Variants in CH25H observed in about 807,000 individuals in gnomAD.
CH25H encodes the protein cholesterol 25-monooxygenase.
A neutral mutation model predicts 16.6 loss-of-function variants in CH25H; 10 were observed. The observed-to-expected ratio is 0.60, with a 90% confidence interval of 0.37 to 1.02. The LOEUF is 1.02. Among genes scored for constraint, CH25H ranks in the 50% least tolerant of loss-of-function variants. The pLI is 0.01. For synonymous variants in CH25H, 178 were observed against 158.8 expected (o/e 1.12, Z -0.91); for missense variants, 326 against 344.7 (o/e 0.95, Z 0.43).
At position 89,206,619 on chromosome 10, in the gene CH25H, TGAGTGGACCAAGGGAAGTTGTAGCCG is replaced by T. The variant is rs771399470; in HGVS notation, c.648_673del (p.Gly217GlnfsTer22). The T allele has an allele frequency of 1.9e-6, 3 of 1,614,116 alleles. No individual in the cohort carries two copies. In the African/African-American group the frequency reaches 4.0e-5, roughly 22 times the overall value. On this transcript the variant is annotated frameshift_variant, in exon 1 of 1. Coordinates refer to ENST00000371852, the MANE Select transcript of CH25H (RefSeq NM_003956.4). LOFTEE classifies it high-confidence loss of function. Reference sequence around the variant, plus strand: ...GTACCACCCGAAGGGCACCAGTCTGTGAGTGGACCAAGGGAAGTTGTAGCCGGAGTGGTCCTCCACGGAAAGCCAGA... The same window carrying T: ...GTACCACCCGAAGGGCACCAGTCTGTGAGTGGTCCTCCACGGAAAGCCAGA...
Position 89,206,768 on chromosome 10 carries a change from G to A in CH25H, c.525C>T (p.Ser175=). Residue 175 remains serine, a synonymous_variant, in exon 1 of 1, where the codon AGC becomes AGT. Transcript: ENST00000371852. ...SSFALATQYM[S]VWELFSLGFF... ...AGCCCAAAGAAAACAGTTCCCAGACGCTCATATACTGCGTTGCCAGCGCGA... is the reference window on the plus strand; with the variant it reads ...AGCCCAAAGAAAACAGTTCCCAGACACTCATATACTGCGTTGCCAGCGCGA... The A allele has an allele frequency of 6.2e-7, 1 of 1,614,246 alleles. No individual in the cohort carries two copies. Among genetic ancestry groups the A allele is most frequent in the Non-Finnish European group, 8.5e-7 (1 of 1,180,046 alleles).
chr10:89,206,305 T>C lies in CH25H; in HGVS notation c.*169A>G. ...ATTGATACACAAACAGTATGTAAAT[T>C]ACTTTGTCAGATTACAAAAATGCAT... is the stretch of plus-strand genomic sequence containing the variant. On this transcript the variant is annotated 3_prime_UTR_variant, in exon 1 of 1. Coordinates refer to ENST00000371852, the MANE Select transcript of CH25H (RefSeq NM_003956.4). 1 of 614,578 alleles carries C rather than the reference T, an allele frequency of 1.6e-6. No homozygotes were observed. Among genetic ancestry groups the C allele is most frequent in the South Asian group, 2.0e-5 (1 of 49,272 alleles). 38.1% of individuals were successfully genotyped at this position (614,578 alleles called of 1,614,324 possible).
chr10:89,206,940 G>A lies in CH25H; in HGVS notation c.353C>T (p.Ala118Val), dbSNP rs1842511464. The change falls in exon 1 of 1, where the codon GCT (alanine) becomes GTT (valine). Residue 118 changes from alanine to valine, a missense_variant. By Grantham distance (64) the Ala-to-Val change is moderately conservative. Transcript: ENST00000371852. Reference sequence around the variant, plus strand: ...GTGCAGCAGCAGGAGCAGCTCGGGAGCTTCGTGGGGCAGGAGGGCCGGGCT... The same window carrying A: ...GTGCAGCAGCAGGAGCAGCTCGGGAACTTCGTGGGGCAGGAGGGCCGGGCT... ...ARSPALLPHE[A>V]PELLLLLHHI... 6.2e-7 allele frequency: 1 copy of A among 1,614,204 alleles called. No homozygotes were observed. Among genetic ancestry groups the A allele is most frequent in the Non-Finnish European group, 8.5e-7 (1 of 1,180,014 alleles).
chr10:89,206,515 T>C lies in CH25H; in HGVS notation c.778A>G (p.Ile260Val). ...FAPYFTHWDK[I>V]LGTLRTASVP... ...GATGCAGTCCGCAGCGTTCCCAGTATTTTGTCCCAGTGTGTAAAGTACGGA... is the reference window on the plus strand; with the variant it reads ...GATGCAGTCCGCAGCGTTCCCAGTACTTTGTCCCAGTGTGTAAAGTACGGA... The change falls in exon 1 of 1, where the codon ATA becomes GTA. Residue 260 changes from isoleucine to valine, a missense_variant. By Grantham distance (29) the Ile-to-Val change is conservative. Coordinates refer to ENST00000371852, the MANE Select transcript of CH25H (RefSeq NM_003956.4). 6.2e-7 allele frequency: 1 copy of C among 1,613,660 alleles called. No homozygotes were observed. The highest frequency in any genetic ancestry group is 8.5e-7 in the Non-Finnish European group (1 of 1,179,818).
rs1260277379 is a variant in CH25H, at chr10:89,207,175, G to A, written c.118C>T (p.Pro40Ser). ...WEALLQSPFF[P>S]VIFSITTYVG... ...TATGTGGTGATGGAGAAGATGACCG[G>A]GAAGAAGGGCGACTGTAGGAGGGCC... The change falls in exon 1 of 1, where the codon CCG (proline) becomes TCG (serine). Residue 40 changes from proline (P) to serine (S), a missense_variant. By Grantham distance (74) the Pro-to-Ser change is moderately conservative (BLOSUM62 -1). Coordinates refer to ENST00000371852, the MANE Select transcript of CH25H (RefSeq NM_003956.4). 1.9e-6 allele frequency: 3 copies of A among 1,612,002 alleles called. No individual in the cohort carries two copies. Among genetic ancestry groups the A allele is most frequent in the African/African-American group, 1.3e-5 (1 of 74,924 alleles).
chr10:89,206,680 C>A lies in CH25H; in HGVS notation c.613G>T (p.Val205Leu), dbSNP rs749131970. ...CHPLTTLTFHVVNIWLSVEDH... is the reference protein window; with the variant it reads ...CHPLTTLTFHLVNIWLSVEDH... Reference sequence around the variant, plus strand: ...TCCACGGAAAGCCAGATGTTGACCACGTGGAAGGTCAGGGTGGTGAGCGGG... The same window carrying A: ...TCCACGGAAAGCCAGATGTTGACCAAGTGGAAGGTCAGGGTGGTGAGCGGG... Residue 205 changes from valine to leucine, a missense_variant, in exon 1 of 1, where the codon GTG becomes TTG. By Grantham distance (32) the Val-to-Leu change is conservative. Transcript: ENST00000371852. The A allele has an allele frequency of 6.2e-7, 1 of 1,614,216 alleles. No homozygotes were observed. The highest frequency in any genetic ancestry group is 8.5e-7 in the Non-Finnish European group (1 of 1,180,036).
Position 89,207,118 on chromosome 10 carries a change from C to G in CH25H, c.175G>C (p.Asp59His). 1 of 1,613,756 alleles carries G rather than the reference C, an allele frequency of 6.2e-7. No homozygotes were observed. Among genetic ancestry groups the G allele is most frequent in the Middle Eastern group, 1.6e-4 (1 of 6,062 alleles). ...VGFCLPFVVLDILCSWVPALR... is the reference protein window; with the variant it reads ...VGFCLPFVVLHILCSWVPALR... ...GCGGGCACCCAGGAGCACAGGATAT[C>G]CAGGACCACGAAGGGCAGGCAAAAG... The change falls in exon 1 of 1, where the codon GAT (aspartate) becomes CAT (histidine). Residue 59 changes from aspartate to histidine, a missense_variant. Physicochemically the swap from Asp to His is moderately conservative, Grantham distance 81. Coordinates refer to ENST00000371852, the MANE Select transcript of CH25H (RefSeq NM_003956.4).
In CH25H at chr10:89,206,636, G is replaced by T; in HGVS notation, c.657C>A (p.Asn219Lys). 1.1e-5 allele frequency: 17 copies of T among 1,614,204 alleles called. No homozygotes were observed. Among genetic ancestry groups the T allele is most frequent in the Non-Finnish European group, 1.4e-5 (17 of 1,180,028 alleles). ...WLSVEDHSGY[N>K]FPWSTHRLVP... ...CCAGTCTGTGAGTGGACCAAGGGAA[G>T]TTGTAGCCGGAGTGGTCCTCCACGG... The change falls in exon 1 of 1, where the codon AAC (asparagine) becomes AAA (lysine). Residue 219 changes from asparagine to lysine, a missense_variant. By Grantham distance (94) the Asn-to-Lys change is moderately conservative (BLOSUM62 0). Coordinates refer to ENST00000371852, the MANE Select transcript of CH25H (RefSeq NM_003956.4).
rs764138382 is a variant in CH25H at position 89,207,271 on chromosome 10, C to A, written c.22G>T (p.Asp8Tyr). The A allele has an allele frequency of 1.9e-5, 30 of 1,583,964 alleles. No homozygotes were observed. The Admixed American group carries it at 5.2e-4, about 27-fold the overall frequency. Residue 8 changes from aspartate (D) to tyrosine (Y), a missense_variant, in exon 1 of 1, where the codon GAC becomes TAC. Coordinates refer to ENST00000371852, the MANE Select transcript of CH25H (RefSeq NM_003956.4). ...CCGGAGCTGCAAAGGACCTGGGGGT[C>A]GGAGCAGTTGTGGCAGCTCATTGCG... MSCHNCS[D>Y]PQVLCSSGQL...
rs762877575 is a variant in CH25H at position 89,206,595 on chromosome 10, T to A, written c.698A>T (p.Tyr233Phe). The A allele has an allele frequency of 6.2e-7, 1 of 1,614,122 alleles. No homozygotes were observed. Among genetic ancestry groups the A allele is most frequent in the Non-Finnish European group, 8.5e-7 (1 of 1,179,988 alleles). Residue 233 changes from tyrosine (Y) to phenylalanine (F), a missense_variant, in exon 1 of 1, where the codon TAC (tyrosine) becomes TTC (phenylalanine). Transcript: ENST00000371852. ...CAGGTCGTGGTGCACCACACCCCCG[T>A]ACCACCCGAAGGGCACCAGTCTGTG... is the stretch of plus-strand genomic sequence containing the variant. ...STHRLVPFGW[Y>F]GGVVHHDLHH... is the part of the protein sequence containing the mutation.
Position 89,206,744 on chromosome 10 carries a change from G to T in CH25H, c.549C>A (p.Gly183=), listed in dbSNP as rs147397249. The T allele has an allele frequency of 1.2e-6, 2 of 1,614,112 alleles. No individual in the cohort carries two copies. Among genetic ancestry groups the T allele is most frequent in the Non-Finnish European group, 1.7e-6 (2 of 1,180,052 alleles). The change falls in exon 1 of 1, where the codon GGC becomes GGA. Residue 183 remains glycine (G), a synonymous_variant. Coordinates refer to ENST00000371852, the MANE Select transcript of CH25H (RefSeq NM_003956.4). ...YMSVWELFSL[G]FFDMMNVTLL... is the part of the protein sequence containing the mutation. ...GTGTGACGTTCATCATGTCGAAGAA[G>T]CCCAAAGAAAACAGTTCCCAGACGC...
chr10:89,207,269 G>A lies in CH25H; in HGVS notation c.24C>T (p.Asp8=). 1 of 1,585,338 alleles carries A rather than the reference G, an allele frequency of 6.3e-7. No homozygotes were observed. Among genetic ancestry groups the A allele is most frequent in the Non-Finnish European group, 8.6e-7 (1 of 1,167,274 alleles). The change falls in exon 1 of 1, where the codon GAC becomes GAT. Residue 8 remains aspartate, a synonymous_variant. Transcript: ENST00000371852. MSCHNCS[D]PQVLCSSGQL... ...GCCCGGAGCTGCAAAGGACCTGGGG[G>A]TCGGAGCAGTTGTGGCAGCTCATTG...
chr10:89,206,561 A>G lies in CH25H; in HGVS notation c.732T>C (p.Ser244=). The change falls in exon 1 of 1, where the codon TCT becomes TCC. Residue 244 remains serine, a synonymous_variant. Coordinates refer to ENST00000371852, the MANE Select transcript of CH25H (RefSeq NM_003956.4). ...ACGGAGCGAAGTTGCAGTTAAAGTG[A>G]GAGTGATGCAGGTCGTGGTGCACCA... ...GGVVHHDLHH[S]HFNCNFAPYF... is the part of the protein sequence containing the mutation. The G allele has an allele frequency of 3.7e-6, 6 of 1,614,130 alleles. No individual in the cohort carries two copies. Among genetic ancestry groups the G allele is most frequent in the Non-Finnish European group, 5.1e-6 (6 of 1,180,000 alleles).
chr10:89,207,104 G>C lies in CH25H; in HGVS notation c.189C>G (p.Ser63=), dbSNP rs770685706. ...TGTAGCGCCGCAGGGCGGGCACCCA[G>C]GAGCACAGGATATCCAGGACCACGA... ...LPFVVLDILC[S]WVPALRRYKI... The change falls in exon 1 of 1, where the codon TCC becomes TCG. Residue 63 remains serine, a synonymous_variant. Transcript: ENST00000371852. 1.9e-6 allele frequency: 3 copies of C among 1,613,914 alleles called. No individual in the cohort carries two copies. In the South Asian group the frequency reaches 3.3e-5, roughly 18 times the overall value.
chr10:89,206,453 G>T lies in CH25H; in HGVS notation c.*21C>A. ...AAAGGCACAGCAGTCCCGAGTCTTA[G>T]GGGCACCCACCGCAGCCACATCACC... On this transcript the variant is annotated 3_prime_UTR_variant, in exon 1 of 1. Transcript: ENST00000371852. The T allele has an allele frequency of 6.3e-7, 1 of 1,581,188 alleles. No homozygotes were observed.
rs1044937789 is a variant in CH25H, at chr10:89,206,174, C to T, written c.*300G>A. 3.2e-6 allele frequency: 1 copy of T among 309,942 alleles called. No homozygotes were observed. The highest frequency in any genetic ancestry group is 6.1e-6 in the Non-Finnish European group (1 of 164,854). 19.2% of individuals were successfully genotyped at this position (309,942 alleles called of 1,614,324 possible). On this transcript the variant is annotated 3_prime_UTR_variant, in exon 1 of 1. Coordinates refer to ENST00000371852, the MANE Select transcript of CH25H (RefSeq NM_003956.4). Reference sequence around the variant, plus strand: ...AAATTCCTTATTCTACAAACAAGTCCTTTTAGAGATATTCTAAATATGCCA... The same window carrying T: ...AAATTCCTTATTCTACAAACAAGTCTTTTTAGAGATATTCTAAATATGCCA...
Position 89,206,621 on chromosome 10 carries a change from A to C in CH25H, c.672T>G (p.Thr224=). 1 of 1,614,218 alleles carries C rather than the reference A, an allele frequency of 6.2e-7. No individual in the cohort carries two copies. The highest frequency in any genetic ancestry group is 8.5e-7 in the Non-Finnish European group (1 of 1,180,034). ...DHSGYNFPWS[T]HRLVPFGWYG... ...ACCACCCGAAGGGCACCAGTCTGTG[A>C]GTGGACCAAGGGAAGTTGTAGCCGG... The change falls in exon 1 of 1, where the codon ACT becomes ACG. Residue 224 remains threonine, a synonymous_variant. Coordinates refer to ENST00000371852, the MANE Select transcript of CH25H (RefSeq NM_003956.4).
chr10:89,206,775 T>C lies in CH25H; in HGVS notation c.518A>G (p.Tyr173Cys), dbSNP rs1842509670. 1 of 1,614,244 alleles carries C rather than the reference T, an allele frequency of 6.2e-7. No individual in the cohort carries two copies. Among genetic ancestry groups the C allele is most frequent in the African/African-American group, 1.3e-5 (1 of 75,052 alleles). Reference sequence around the variant, plus strand: ...AGAAAACAGTTCCCAGACGCTCATATACTGCGTTGCCAGCGCGAACGAGGA... The same window carrying C: ...AGAAAACAGTTCCCAGACGCTCATACACTGCGTTGCCAGCGCGAACGAGGA... Reference protein sequence around the residue: ...NSSSFALATQYMSVWELFSLG... With the variant: ...NSSSFALATQCMSVWELFSLG... Residue 173 changes from tyrosine to cysteine, a missense_variant, in exon 1 of 1, where the codon TAT (tyrosine) becomes TGT (cysteine). By Grantham distance (194) the Tyr-to-Cys change is radical. Transcript: ENST00000371852.
chr10:89,206,196 G>T lies in CH25H; in HGVS notation c.*278C>A. ...GTCCTTTTAGAGATATTCTAAATAT[G>T]CCAGTGATGAATGTCTAATTCATAT... On this transcript the variant is annotated 3_prime_UTR_variant, in exon 1 of 1. Transcript: ENST00000371852. 2 of 368,138 alleles carry T rather than the reference G, an allele frequency of 5.4e-6. No individual in the cohort carries two copies. Among genetic ancestry groups the T allele is most frequent in the Non-Finnish European group, 5.0e-6 (1 of 199,858 alleles). The allele number at this position is 368,138 out of a possible 1,614,324, so 22.8% of individuals were successfully genotyped here. A position where few individuals can be genotyped will look rare whatever the true frequency, so the allele number is the denominator to read the frequency against.
Sources: allele counts gnomAD v4.1 joint callset, GRCh38; gene constraint gnomAD v4.1.1; transcripts MANE v1.5; gene names NCBI Gene and HGNC (gene_info 2026-07-23, HGNC 2026-07-21).